LIM2: variants seen among roughly 807,000 people sequenced by gnomAD.
LIM2 encodes lens intrinsic membrane protein 2, also known as lens fiber membrane intrinsic protein.
In LIM2, 14 loss-of-function variants were observed where a neutral mutation model predicts 19.0. The ratio of observed to expected loss-of-function variants is 0.74; its 90% CI spans 0.49 to 1.15. The LOEUF (loss-of-function observed/expected upper bound fraction) is 1.15. Ranked by LOEUF, LIM2 falls within the 50% of genes most tolerant of loss-of-function variation. The pLI is 0.00. For synonymous variants in LIM2, 78 were observed against 89.6 expected (o/e 0.87, Z 0.73); for missense variants, 230 against 243.5 (o/e 0.94, Z 0.37).
rs1163859181 is a variant in LIM2, at chr19:51,383,027, C to CTTTTTTTTTTTTTTTTTTTTT, written c.176-481_176-461dup. ...TCTCACATTTCTTTTTTTTTCTTTT[C>CTTTTTTTTTTTTTTTTTTTTT]TTTTTTTTTTTTTTTTTTTTTTTTT... On this transcript the variant is annotated intron_variant, in intron 2 of 4. Transcript: ENST00000596399. 3.7e-4 allele frequency among the ~76,000 whole-genome samples: 33 copies of CTTTTTTTTTTTTTTTTTTTTT among 88,302 alleles called. 2 individuals are homozygous for CTTTTTTTTTTTTTTTTTTTTT. The highest frequency in any genetic ancestry group is 7.2e-4 in the East Asian group (2 of 2,792). The allele number at this position is 88,302 out of a possible 152,430, so 57.9% of individuals were successfully genotyped here.
chr19:51,382,383 G>A (rs1014126767), intron 3 of LIM2, 35 bp downstream of exon 3: 93 of 1,611,770 alleles, frequency 5.8e-5, no homozygotes, highest in Non-Finnish European at 6.9e-5. Flanking sequence ...AGATGAGAGC[G>A]AGGAGAGGGG....
intron 2 of LIM2, among the ~76,000 whole-genome samples, chr19:51,386,477 TTA>T (rs1467587735): frequency 6.7e-6 from 1 of 148,312 alleles, no homozygotes; most frequent in East Asian, 1.9e-4. Context: ...CTCTACATTA[TTA>T]ATTTATTATA....
chr19:51,380,232 T>G lies in LIM2; in HGVS notation c.491A>C (p.His164Pro), dbSNP rs766863796. The change falls in exon 5 of 5, where the codon CAT (histidine) becomes CCT (proline). Residue 164 changes from histidine (H) to proline (P), a missense_variant. Transcript: ENST00000596399. ...GIFYMCAYRV[H>P]ECRRLSTPR is the part of the protein sequence containing the mutation. ...GGGTGTAGACAGGCGCCGGCATTCA[T>G]GCACCCGGTAGGCGCACATGTAGAA... 1 of 1,613,850 alleles carries G rather than the reference T, an allele frequency of 6.2e-7. No homozygotes were observed. Among genetic ancestry groups the G allele is most frequent in the Non-Finnish European group, 8.5e-7 (1 of 1,179,922 alleles).
chr19:51,385,226 A>G (rs1987002787), intron 2 of LIM2, among the ~76,000 whole-genome samples: 1 of 152,038 alleles, frequency 6.6e-6, no homozygotes, highest in African/African-American at 2.4e-5. Flanking sequence ...AAATCAAATC[A>G]AATGAAATAA....
At chr19:51,382,334 T>G (rs1599861414) in intron 3 of LIM2, 84 bp downstream of exon 3, 3 of 1,485,834 alleles carry the variant, frequency 2.0e-6, no homozygotes, top group African/African-American at 1.5e-5. Flanking sequence ...GAGTAAGGGG[T>G]GAGAATGGTG....
rs1294227717 is a variant in LIM2 at position 51,386,546 on chromosome 19, CTATT to C, written c.175+719_175+722del. 2.4e-4 allele frequency among the ~76,000 whole-genome samples: 35 copies of C among 147,540 alleles called. No individual in the cohort carries two copies. The East Asian group carries it at 3.5e-3, about 15-fold the overall frequency. The stretch of plus-strand genomic sequence containing the variant: ...TTATTATATAATGTCATGACATATA[CTATT>C]TATTAGATAATGAATGTGTAATATA... On this transcript the variant is annotated intron_variant, in intron 2 of 4. Transcript: ENST00000596399.
chr19:51,383,454 C>G (rs1289353296), intron 2 of LIM2, among the ~76,000 whole-genome samples: 1 of 152,176 alleles, frequency 6.6e-6, no homozygotes, highest in Non-Finnish European at 1.5e-5. Context: ...AGGACAAGCA[C>G]CTTGCTTTCT....
At chr19:51,386,489 A>G (rs1028615881) in intron 2 of LIM2, among the ~76,000 whole-genome samples, 2 of 147,972 alleles carry the variant, frequency 1.4e-5, no homozygotes, top group Admixed American at 1.4e-4. Context: ...AATTTATTAT[A>G]TAATATATTG....
At chr19:51,385,213 CA>C (rs1987002197) in intron 2 of LIM2, among the ~76,000 whole-genome samples, 1 of 151,358 alleles carries the variant, frequency 6.6e-6, no homozygotes, top group Non-Finnish European at 1.5e-5. Flanking sequence ...GCTGTCTCTA[CA>C]AAAATCAAAT....
intron 2 of LIM2, 196 bp downstream of exon 2, chr19:51,387,073 A>C: frequency 1.0e-6 from 1 of 997,512 alleles, no homozygotes; most frequent in South Asian, 1.4e-5. Context: ...CCTTCAAACC[A>C]GCACCCCGTG....
At chr19:51,384,477 G>C (rs1158372516) in intron 2 of LIM2, among the ~76,000 whole-genome samples, 1 of 152,140 alleles carries the variant, frequency 6.6e-6, no homozygotes, top group Non-Finnish European at 1.5e-5. Context: ...CTTATAAAAA[G>C]AGGAATCTGG....
intron 3 of LIM2, among the ~76,000 whole-genome samples, chr19:51,382,178 T>C (rs1307160222): frequency 1.3e-5 from 2 of 151,866 alleles, no homozygotes; most frequent in Middle Eastern, 3.2e-3. Context: ...ACCTGTGGAG[T>C]CAAACACAAA....
At chr19:51,386,618 T>C (rs1270822441) in intron 2 of LIM2, among the ~76,000 whole-genome samples, 2 of 148,736 alleles carry the variant, frequency 1.3e-5, no homozygotes, top group East Asian at 3.9e-4. Flanking sequence ...GTGCATTACT[T>C]ATATAATATG....
chr19:51,385,435 T>C (rs1400427932), intron 2 of LIM2, among the ~76,000 whole-genome samples: 1 of 151,982 alleles, frequency 6.6e-6, no homozygotes, highest in East Asian at 1.9e-4. Context: ...GCAAGGAGAA[T>C]TGCTTGAACC....
intron 2 of LIM2, among the ~76,000 whole-genome samples, chr19:51,384,142 A>T (rs1357298444): frequency 6.6e-6 from 1 of 152,154 alleles, no homozygotes; most frequent in Non-Finnish European, 1.5e-5. Flanking sequence ...TAATCCAAAG[A>T]CTGGGCTGGG....
At position 51,384,718 on chromosome 19, in the gene LIM2, C is replaced by T. The variant is rs55847101; in HGVS notation, c.176-2151G>A. On this transcript the variant is annotated intron_variant, in intron 2 of 4. Transcript: ENST00000596399. ...ACACGTTTCTGTTGTTCAAGCCACC[C>T]AGTCTGTGGGGCTTTTTTATGGCAT... is the stretch of plus-strand genomic sequence containing the variant. Among the ~76,000 whole-genome samples, 1,207 of 152,268 alleles carry T rather than the reference C, an allele frequency of 7.9e-3. 20 individuals carry two copies. Among genetic ancestry groups the T allele is most frequent in the African/African-American group, 0.028 (1,160 of 41,546 alleles).
chr19:51,382,953 G>T (rs1168289568), intron 2 of LIM2, among the ~76,000 whole-genome samples: 1 of 150,760 alleles, frequency 6.6e-6, no homozygotes, highest in African/African-American at 2.4e-5. Flanking sequence ...TTGAATGAAT[G>T]AATGAATGAA....
At chr19:51,381,757 G>A (rs979083233) in intron 3 of LIM2, among the ~76,000 whole-genome samples, 6 of 152,078 alleles carry the variant, frequency 3.9e-5, no homozygotes, top group Non-Finnish European at 8.8e-5. Context: ...ACAGAGTCTC[G>A]CTCTGTCGCC....
At chr19:51,382,344 G>A (rs1986915934) in intron 3 of LIM2, 74 bp downstream of exon 3, 11 of 1,556,808 alleles carry the variant, frequency 7.1e-6, no homozygotes, top group Admixed American at 3.4e-5. Flanking sequence ...TGAGAATGGT[G>A]TTGAGGGGTG....
Sources: allele counts gnomAD v4.1 joint callset (sites outside exome capture counted in the v4.1 genomes callset), GRCh38; gene constraint gnomAD v4.1.1; transcripts MANE v1.5; gene names NCBI Gene and HGNC (gene_info 2026-07-23, HGNC 2026-07-21).